The following GPC6 variants were observed in gnomAD, a reference collection of about 807,000 sequenced individuals.
GPC6 encodes the protein glypican-6.
GPC6 carries 14 observed loss-of-function variants against 55.2 expected under a neutral mutation model. The observed-to-expected ratio is 0.25, with a 90% confidence interval of 0.17 to 0.40. The LOEUF (loss-of-function observed/expected upper bound fraction) is 0.40. GPC6 is among the 10% of genes least tolerant of loss of function. The probability of loss-of-function intolerance (pLI) is 1.00; values close to 1 mark genes in which losing one functional copy is unlikely to be tolerated. For missense variants in GPC6, 641 were observed against 708.5 expected, an observed-to-expected ratio of 0.90 and a Z score of 1.08; for synonymous variants, 278 against 259.6, an observed-to-expected ratio of 1.07 and a Z score of -0.68.
chr13:94,276,996 C>A (rs558488471), intron 4 of GPC6, among the ~76,000 whole-genome samples: 1 of 152,252 alleles, frequency 6.6e-6, no homozygotes, highest in East Asian at 1.9e-4. Flanking sequence ...GGTTCTAGAT[C>A]CTTGAGGAAT....
At chr13:93,965,169 T>C (rs1037957299) in intron 3 of GPC6, among the ~76,000 whole-genome samples, 3 of 138,878 alleles carry the variant, frequency 2.2e-5, no homozygotes, top group African/African-American at 8.1e-5. Flanking sequence ...TAACCACGAT[T>C]GGGAGGCTGA....
At chr13:93,865,975 AG>A (rs1264955433) in intron 3 of GPC6, among the ~76,000 whole-genome samples, 1 of 151,684 alleles carries the variant, frequency 6.6e-6, no homozygotes, top group Non-Finnish European at 1.5e-5. Flanking sequence ...AAATTGGTTA[AG>A]TGCCATGCAG....
At chr13:93,429,163 A>G (rs1877260991) in intron 1 of GPC6, among the ~76,000 whole-genome samples, 2 of 152,140 alleles carry the variant, frequency 1.3e-5, no homozygotes, top group South Asian at 4.1e-4. Context: ...TATTCTGCTA[A>G]TGAACAAGCC....
intron 3 of GPC6, among the ~76,000 whole-genome samples, chr13:93,985,715 T>TAAAAAAAAAAAAAA (rs1157375754): frequency 7.9e-6 from 1 of 126,240 alleles, no homozygotes. Context: ...AAAAAAAAAT[T>TAAAAAAAAAAAAAA]AAAAAACGGA....
chr13:94,097,879 A>G (rs971718410), intron 4 of GPC6, among the ~76,000 whole-genome samples: 1 of 152,210 alleles, frequency 6.6e-6, no homozygotes, highest in Non-Finnish European at 1.5e-5. Flanking sequence ...ATTGACTACT[A>G]CAACCATTCT....
intron 2 of GPC6, among the ~76,000 whole-genome samples, chr13:93,607,054 T>C (rs1429143177): frequency 6.6e-6 from 1 of 152,210 alleles, no homozygotes; most frequent in African/African-American, 2.4e-5. Context: ...CTTTCCACAC[T>C]GTATTTATTG....
intron 4 of GPC6, among the ~76,000 whole-genome samples, chr13:94,105,120 C>T (rs973867851): frequency 8.6e-5 from 13 of 151,982 alleles, no homozygotes; most frequent in Admixed American, 2.6e-4. Context: ...TGTGGGAGGC[C>T]GAGGCAAGAG....
intron 3 of GPC6, among the ~76,000 whole-genome samples, chr13:93,994,178 T>G (rs1881435447): frequency 6.6e-6 from 1 of 152,182 alleles, no homozygotes. Context: ...ATCACACTTC[T>G]GTTTTCCTGT....
intron 4 of GPC6, among the ~76,000 whole-genome samples, chr13:94,252,555 A>G (rs4142201): frequency 0.22 from 32,825 of 151,996 alleles, 3,694 homozygotes; most frequent in East Asian, 0.35. Context: ...TGATGGCGAA[A>G]TAAGACACAA....
chr13:94,092,599 G>A (rs1885528724), intron 4 of GPC6, among the ~76,000 whole-genome samples: 1 of 152,058 alleles, frequency 6.6e-6, no homozygotes, highest in Non-Finnish European at 1.5e-5. Flanking sequence ...AACATGGGGA[G>A]TACAGATATT....
At chr13:93,717,283 G>A (rs1045975955) in intron 2 of GPC6, among the ~76,000 whole-genome samples, 1 of 151,588 alleles carries the variant, frequency 6.6e-6, no homozygotes, top group African/African-American at 2.4e-5. Flanking sequence ...CATAATGAAA[G>A]CATATTTATT....
chr13:93,270,859 G>T (rs1877497563), intron 1 of GPC6, among the ~76,000 whole-genome samples: 1 of 151,958 alleles, frequency 6.6e-6, no homozygotes, highest in African/African-American at 2.4e-5. Flanking sequence ...GTATAGAAAA[G>T]ACAGATAAAT....
chr13:94,384,519 C>G (rs1455586006), intron 7 of GPC6, among the ~76,000 whole-genome samples: 1 of 152,068 alleles, frequency 6.6e-6, no homozygotes, highest in Non-Finnish European at 1.5e-5. Context: ...TGATATTAGT[C>G]CATATGCAAT....
chr13:93,747,152 AG>A (rs1213454800), intron 2 of GPC6, among the ~76,000 whole-genome samples: 2 of 152,188 alleles, frequency 1.3e-5, no homozygotes, highest in African/African-American at 4.8e-5. Flanking sequence ...AAAGAAGTAA[AG>A]AAGTTGAGGC....
chr13:94,086,056 T>C (rs1350014359), intron 4 of GPC6, among the ~76,000 whole-genome samples: 2 of 152,220 alleles, frequency 1.3e-5, no homozygotes, highest in African/African-American at 4.8e-5. Flanking sequence ...TCTTCCCTTT[T>C]GATTTTATTC....
At chr13:93,921,124 T>C (rs1162796278) in intron 3 of GPC6, among the ~76,000 whole-genome samples, 2 of 152,210 alleles carry the variant, frequency 1.3e-5, no homozygotes, top group Non-Finnish European at 1.5e-5. Context: ...AAAGTCACTC[T>C]AGGCATGCTG....
intron 4 of GPC6, among the ~76,000 whole-genome samples, chr13:94,171,751 G>T (rs1391325976): frequency 1.3e-5 from 2 of 152,090 alleles, no homozygotes; most frequent in Non-Finnish European, 2.9e-5. Flanking sequence ...ACTTTTCATG[G>T]CATGTAGCTG....
chr13:93,803,475 A>G (rs1197610727), intron 2 of GPC6, among the ~76,000 whole-genome samples: 1 of 152,200 alleles, frequency 6.6e-6, no homozygotes, highest in Non-Finnish European at 1.5e-5. Context: ...GCCCTTATAC[A>G]TTGCTGGTGG....
chr13:93,338,194 C>T (rs1042444267), intron 1 of GPC6, among the ~76,000 whole-genome samples: 49 of 152,118 alleles, frequency 3.2e-4, no homozygotes, highest in African/African-American at 8.9e-4. Flanking sequence ...TCATTATCCC[C>T]GGTGAGTTGA....
Sources: allele counts gnomAD v4.1 joint callset (sites outside exome capture counted in the v4.1 genomes callset), GRCh38; gene constraint gnomAD v4.1.1; transcripts MANE v1.5; gene names NCBI Gene and HGNC (gene_info 2026-07-23, HGNC 2026-07-21).